Variants in DEPDC4 observed in about 807,000 individuals in gnomAD.
The protein encoded by DEPDC4 is DEP domain-containing protein 4.
In DEPDC4, 52 loss-of-function variants were observed where a neutral mutation model predicts 52.0. The observed-to-expected ratio is 1.00, with a 90% CI of 0.80 to 1.26. DEPDC4 has a LOEUF of 1.26. DEPDC4 is among the 50% of genes most tolerant of loss of function. The pLI, the probability that DEPDC4 is intolerant of heterozygous loss-of-function variation, is 0.00. For missense variants in DEPDC4, 530 were observed against 546.9 expected, an observed-to-expected ratio of 0.97 and a Z score of 0.31; for synonymous variants, 201 against 196.8, an observed-to-expected ratio of 1.02 and a Z score of -0.18.
intron 2 of DEPDC4, among the ~76,000 whole-genome samples, chr12:100,262,984 T>A (rs891133958): frequency 5.3e-5 from 8 of 152,162 alleles, no homozygotes; most frequent in African/African-American, 1.7e-4. Context: ...TTGAGACAGA[T>A]TCTTGCTGTG....
At chr12:100,232,289 G>A (rs189176339) in intron 9 of DEPDC4, among the ~76,000 whole-genome samples, 139 of 151,982 alleles carry the variant, frequency 9.1e-4, no homozygotes, top group African/African-American at 3.1e-3. Flanking sequence ...CCAGCTACTA[G>A]GGAGGCTGAG....
chr12:100,272,390 A>C, the DEPDC4 span, among the ~76,000 whole-genome samples: 1 of 152,150 alleles, frequency 6.6e-6, no homozygotes, highest in Non-Finnish European at 1.5e-5. Flanking sequence ...GTTTAAGTTC[A>C]GGTCTTATTT....
chr12:100,277,208 T>C, the DEPDC4 span, among the ~76,000 whole-genome samples: 2 of 152,218 alleles, frequency 1.3e-5, no homozygotes, highest in African/African-American at 4.8e-5. Flanking sequence ...AAACCATTTT[T>C]AGTGAATGTT....
Position 100,256,128 on chromosome 12 carries a change from G to A in DEPDC4, c.799C>T (p.Gln267Ter), listed in dbSNP as rs746364276. The A allele has an allele frequency of 4.4e-5, 71 of 1,613,108 alleles. No homozygotes were observed. Among genetic ancestry groups the A allele is most frequent in the Non-Finnish European group, 5.9e-5 (70 of 1,179,322 alleles). The stretch of plus-strand genomic sequence containing the variant: ...ACAAGATCTTCCTCTTTGTTTAGTT[G>A]AAGATTTTGTGTTTTAACTGGAGGC... ...LEPPVKTQNLQLNKEEDLVIT... is the reference protein window; with the variant it reads ...LEPPVKTQNL The change falls in exon 4 of 10, where the codon CAA becomes TAA. Residue 267 changes from glutamine to a stop codon, truncating the protein, a stop_gained. Coordinates refer to ENST00000550587, the MANE Select transcript of DEPDC4 (RefSeq NM_001364818.2). LOFTEE classifies it high-confidence loss of function.
At chr12:100,267,255 G>A, upstream of DEPDC4, 1 of 636,938 alleles carries the variant, frequency 1.6e-6, no homozygotes, top group East Asian at 2.8e-5. Context: ...CGACGTTTGC[G>A]GCCGCGGGGG....
intron 3 of DEPDC4, among the ~76,000 whole-genome samples, chr12:100,257,988 GAT>G (rs1445625920): frequency 2.2e-5 from 2 of 89,444 alleles, no homozygotes; most frequent in South Asian, 3.5e-4. Context: ...TAGATAGATA[GAT>G]AGATAGATAG....
chr12:100,267,238 C>T (rs2096278537), upstream of DEPDC4: 3 of 725,124 alleles, frequency 4.1e-6, no homozygotes, highest in African/African-American at 1.8e-5. Flanking sequence ...CCCTTTCCTT[C>T]TAGCTCCGAC....
chr12:100,238,887 T>G (rs1187110758), downstream of DEPDC4, among the ~76,000 whole-genome samples: 1 of 152,210 alleles, frequency 6.6e-6, no homozygotes, highest in Non-Finnish European at 1.5e-5. Context: ...TAAAGACTTT[T>G]AGATTCTTGA....
In DEPDC4 at chr12:100,256,186, C is replaced by A; in HGVS notation, c.741G>T (p.Leu247Phe). 1 of 1,612,694 alleles carries A rather than the reference C, an allele frequency of 6.2e-7. No individual in the cohort carries two copies. The highest frequency in any genetic ancestry group is 1.1e-5 in the South Asian group (1 of 90,980). ...KEQTLLCLLQ[L>F]IHLPFLDNIL... is the part of the protein sequence containing the mutation. ...TATTGTCCAAGAATGGAAGGTGAAT[C>A]AATTGAAGAAGACATAATAATGTTT... Residue 247 changes from leucine to phenylalanine, a missense_variant, in exon 4 of 10, where the codon TTG becomes TTT. Coordinates refer to ENST00000550587, the MANE Select transcript of DEPDC4 (RefSeq NM_001364818.2).
intron 9 of DEPDC4, 129 bp from the exon 10 acceptor site, chr12:100,241,974 TC>T: frequency 2.4e-6 from 1 of 421,402 alleles, no homozygotes; most frequent in Non-Finnish European, 3.2e-6. Context: ...CTTTCTTTGT[TC>T]CACAGTTTCT....
chr12:100,257,648 T>G (rs1474457479), intron 3 of DEPDC4: 1 of 152,326 alleles, frequency 6.6e-6, no homozygotes, highest in Non-Finnish European at 1.5e-5. Context: ...GTGCTGAGAT[T>G]ACAGATGTGA....
At chr12:100,246,288 G>A (rs1592875231) in intron 8 of DEPDC4, among the ~76,000 whole-genome samples, 1 of 152,040 alleles carries the variant, frequency 6.6e-6, no homozygotes, top group South Asian at 2.1e-4. Context: ...GATTCCCTCA[G>A]ACTAGGTGGT....
intron 8 of DEPDC4, among the ~76,000 whole-genome samples, chr12:100,246,875 T>G (rs1207210352): frequency 1.3e-5 from 2 of 151,634 alleles, no homozygotes; most frequent in African/African-American, 4.8e-5. Flanking sequence ...GAGGCGGAGG[T>G]TGCAGTGAGC....
chr12:100,249,106 A>G, intron 7 of DEPDC4, 128 bp from the exon 8 acceptor site: 1 of 209,586 alleles, frequency 4.8e-6, no homozygotes, highest in Non-Finnish European at 8.3e-6. Context: ...GATGAGTGGA[A>G]AGGGTGGGTG....
In DEPDC4 at chr12:100,263,492, C is replaced by T. The variant is rs778961517; in HGVS notation, c.554+5G>A. The T allele has an allele frequency of 6.4e-7, 1 of 1,565,872 alleles. No homozygotes were observed. The highest frequency in any genetic ancestry group is 8.6e-7 in the Non-Finnish European group (1 of 1,159,874). ...ATATATTACAGTATCTTAGGTAACA[C>T]TAACCTCAAGGTTTCATTGAACTCA... On this transcript the variant is annotated splice_donor_5th_base_variant and intron_variant, in intron 2 of 9. Coordinates refer to ENST00000550587, the MANE Select transcript of DEPDC4 (RefSeq NM_001364818.2).
chr12:100,239,216 ACAGGTGCCCAC>A (rs1183622855), downstream of DEPDC4, among the ~76,000 whole-genome samples: 1 of 152,046 alleles, frequency 6.6e-6, no homozygotes, highest in East Asian at 1.9e-4. Flanking sequence ...AGCTGGGATT[ACAGGTGCCCAC>A]CACCACACAC....
the DEPDC4 span, among the ~76,000 whole-genome samples, chr12:100,274,094 A>G: frequency 6.6e-6 from 1 of 152,208 alleles, no homozygotes; most frequent in African/African-American, 2.4e-5. Flanking sequence ...GCATTAAATT[A>G]AAAAGGGAAA....
chr12:100,279,269 G>A, the DEPDC4 span, among the ~76,000 whole-genome samples: 2 of 152,216 alleles, frequency 1.3e-5, no homozygotes, highest in Non-Finnish European at 2.9e-5. Context: ...TGCATGTGCA[G>A]TTCACAGTAG....
At chr12:100,270,640 T>A (rs1421248817), upstream of DEPDC4, among the ~76,000 whole-genome samples, 22 of 150,056 alleles carry the variant, frequency 1.5e-4, no homozygotes, top group Middle Eastern at 3.4e-3. Context: ...TTTTTTTTTT[T>A]AATATTTTTA....
Sources: allele counts gnomAD v4.1 joint callset (sites outside exome capture counted in the v4.1 genomes callset), GRCh38; gene constraint gnomAD v4.1.1; transcripts MANE v1.5; gene names NCBI Gene and HGNC (gene_info 2026-07-23, HGNC 2026-07-21).